FNBP1: variants seen among roughly 807,000 people sequenced by gnomAD.
FNBP1 encodes the protein formin-binding protein 1.
In FNBP1, 26 loss-of-function variants were observed where a neutral mutation model predicts 90.6. The observed-to-expected ratio is 0.29, with a 90% confidence interval of 0.21 to 0.40. FNBP1 has a LOEUF of 0.40. Ranked by LOEUF, FNBP1 falls within the 10% of genes least tolerant of loss-of-function variation. The pLI is 1.00. For synonymous variants in FNBP1, 260 were observed against 265.2 expected (o/e 0.98, Z 0.19); for missense variants, 635 against 768.0 (o/e 0.83, Z 2.05).
chr9:130,020,530 T>G (rs1355583976), intron 1 of FNBP1, among the ~76,000 whole-genome samples: 1 of 152,248 alleles, frequency 6.6e-6, no homozygotes, highest in East Asian at 1.9e-4. Flanking sequence ...TTTTTTTTCT[T>G]TTTGTTTTAC....
intron 1 of FNBP1, among the ~76,000 whole-genome samples, chr9:130,001,311 C>CA (rs368528600): frequency 0.17 from 4,111 of 23,780 alleles, 120 homozygotes; most frequent in Non-Finnish European, 0.27. Flanking sequence ...GACTCCATCT[C>CA]AAAAAAACAA....
At chr9:129,988,236 C>T (rs545829786) in intron 2 of FNBP1, among the ~76,000 whole-genome samples, 1 of 152,034 alleles carries the variant, frequency 6.6e-6, no homozygotes, top group South Asian at 2.1e-4. Flanking sequence ...TGCACTCCAG[C>T]CTGGGTGACA....
chr9:129,963,996 C>T (rs2900284), intron 4 of FNBP1, among the ~76,000 whole-genome samples: 147,545 of 152,216 alleles, frequency 0.97, 71,678 homozygotes, highest in East Asian at 1. Flanking sequence ...GGGGATCCTT[C>T]AGGAAATTAA....
chr9:129,964,632 G>A (rs1441960451), intron 4 of FNBP1, among the ~76,000 whole-genome samples: 1 of 149,720 alleles, frequency 6.7e-6, no homozygotes, highest in African/African-American at 2.5e-5. Flanking sequence ...TCTAAAATAA[G>A]CAAGCATTAA....
chr9:129,976,643 C>G (rs1183030331), intron 4 of FNBP1, among the ~76,000 whole-genome samples: 1 of 152,168 alleles, frequency 6.6e-6, no homozygotes, highest in Non-Finnish European at 1.5e-5. Flanking sequence ...TCCCTCAAGT[C>G]TTGTTAAGGC....
In FNBP1 at chr9:129,890,533, TCC is replaced by T; in HGVS notation, c.*4_*5del. 2 of 1,585,148 alleles carry T rather than the reference TCC, an allele frequency of 1.3e-6. No homozygotes were observed. Among genetic ancestry groups the T allele is most frequent in the Non-Finnish European group, 1.7e-6 (2 of 1,166,588 alleles). On this transcript the variant is annotated 3_prime_UTR_variant, in exon 17 of 17. Coordinates refer to ENST00000446176, the MANE Select transcript of FNBP1 (RefSeq NM_015033.3). This position sits in a 1 kb window ranked among gnomAD's most constrained non-coding sequence, Gnocchi z 5.8. ...AGGCTCACCCGAGGCTCGCAGGCACTCCCCTCTAGGAATCTACAACACAAAGA... is the reference window on the plus strand; with the variant it reads ...AGGCTCACCCGAGGCTCGCAGGCACTCCTCTAGGAATCTACAACACAAAGA...
At chr9:129,928,051 T>A (rs2042177424) in intron 7 of FNBP1, among the ~76,000 whole-genome samples, 1 of 152,238 alleles carries the variant, frequency 6.6e-6, no homozygotes, top group Non-Finnish European at 1.5e-5. Flanking sequence ...TGCTAGTGTA[T>A]CTTCCAACTA....
intron 1 of FNBP1, among the ~76,000 whole-genome samples, chr9:130,018,243 AGT>A (rs2057454470): frequency 6.6e-6 from 1 of 151,648 alleles, no homozygotes; most frequent in South Asian, 2.1e-4. Flanking sequence ...TAAAAAAAAA[AGT>A]GTGTTTAAAG....
intron 4 of FNBP1, among the ~76,000 whole-genome samples, chr9:129,970,343 T>C (rs745850200): frequency 2.6e-5 from 4 of 152,082 alleles, no homozygotes; most frequent in East Asian, 3.9e-4. Flanking sequence ...GTAGCTGGGA[T>C]TGCAGACATG....
chr9:129,913,122 C>T (rs1037147972), intron 11 of FNBP1, among the ~76,000 whole-genome samples: 9 of 152,010 alleles, frequency 5.9e-5, no homozygotes, highest in South Asian at 2.1e-4. Context: ...TCAGGAGAAA[C>T]GCTTCAACCC....
intron 16 of FNBP1, 187 bp downstream of exon 16, chr9:129,895,651 A>G: frequency 4.0e-6 from 5 of 1,258,742 alleles, no homozygotes; most frequent in Non-Finnish European, 5.0e-6. Context: ...ATTACAGCCC[A>G]AACTAGACAA....
At chr9:129,928,949 G>A (rs1390029193) in intron 7 of FNBP1, among the ~76,000 whole-genome samples, 1 of 151,870 alleles carries the variant, frequency 6.6e-6, no homozygotes, top group Non-Finnish European at 1.5e-5. Context: ...AAATTAGCAG[G>A]GCATGGTGGT....
chr9:129,910,613 G>A (rs1001010169), intron 11 of FNBP1, among the ~76,000 whole-genome samples: 5 of 152,064 alleles, frequency 3.3e-5, no homozygotes, highest in Non-Finnish European at 2.9e-5. Flanking sequence ...GCAGGCTTGG[G>A]GCAGGGTAGA....
chr9:129,971,399 G>T (rs1428815031), intron 4 of FNBP1, among the ~76,000 whole-genome samples: 2 of 150,616 alleles, frequency 1.3e-5, no homozygotes, highest in South Asian at 4.2e-4. Flanking sequence ...TTTGTTTTTT[G>T]TTTTTTTTTA....
chr9:129,996,860 A>G (rs1483234841), intron 1 of FNBP1, among the ~76,000 whole-genome samples: 1 of 151,868 alleles, frequency 6.6e-6, no homozygotes, highest in Admixed American at 6.6e-5. Flanking sequence ...TGCCTTCACT[A>G]ATTTTTGTAT....
chr9:129,926,220 C>A (rs1428527731), intron 8 of FNBP1, among the ~76,000 whole-genome samples: 1 of 152,176 alleles, frequency 6.6e-6, no homozygotes, highest in African/African-American at 2.4e-5. Flanking sequence ...GATCCACCCG[C>A]TCCGGCCTCC....
chr9:130,028,775 G>A (rs1485431505), intron 1 of FNBP1, among the ~76,000 whole-genome samples: 3 of 152,184 alleles, frequency 2.0e-5, no homozygotes, highest in African/African-American at 4.8e-5. Flanking sequence ...AGTGCTTGGA[G>A]GAATGCAACT....
chr9:130,022,126 T>C (rs1275331904), intron 1 of FNBP1, among the ~76,000 whole-genome samples: 2 of 152,144 alleles, frequency 1.3e-5, no homozygotes, highest in African/African-American at 4.8e-5. Context: ...CCCAAAGTGC[T>C]AGGATTACAG....
intron 6 of FNBP1, among the ~76,000 whole-genome samples, chr9:129,955,468 TCAAA>T (rs1341170835): frequency 1.3e-5 from 2 of 150,694 alleles, no homozygotes; most frequent in Admixed American, 1.3e-4. Context: ...ACTCCTGGAC[TCAAA>T]CAATCTGCTC....
Sources: allele counts gnomAD v4.1 joint callset (sites outside exome capture counted in the v4.1 genomes callset), GRCh38; gene constraint gnomAD v4.1.1; non-coding constraint Gnocchi (gnomAD v3.1); transcripts MANE v1.5; gene names NCBI Gene and HGNC (gene_info 2026-07-23, HGNC 2026-07-21).